ZNF585A: variants seen among roughly 807,000 people sequenced by gnomAD.
ZNF585A encodes the protein zinc finger protein 585A.
Under a neutral mutation model 14.9 loss-of-function variants are expected in ZNF585A, and 9 were observed. That is an observed-to-expected ratio of 0.60 (90% CI 0.36 to 1.05). The LOEUF (loss-of-function observed/expected upper bound fraction) is 1.05, where lower values mean the gene tolerates loss of function less well. Among genes scored for constraint, ZNF585A ranks in the 50% least tolerant of loss-of-function variants. The probability of loss-of-function intolerance (pLI) is 0.01; values close to 1 mark genes in which losing one functional copy is unlikely to be tolerated. For missense variants in ZNF585A, 726 were observed against 926.4 expected, an observed-to-expected ratio of 0.78 and a Z score of 2.81; for synonymous variants, 276 against 319.9, an observed-to-expected ratio of 0.86 and a Z score of 1.46.
intron 2 of ZNF585A, among the ~76,000 whole-genome samples, chr19:37,166,562 T>C (rs893120999): frequency 6.6e-6 from 1 of 152,100 alleles, no homozygotes; most frequent in African/African-American, 2.4e-5. Context: ...TCCACCCATC[T>C]TGGCCTCCCA....
At chr19:37,171,614 A>C (rs1025161893) in intron 1 of ZNF585A, among the ~76,000 whole-genome samples, 1 of 152,228 alleles carries the variant, frequency 6.6e-6, no homozygotes, top group Admixed American at 6.5e-5. Flanking sequence ...TTAAAAATGC[A>C]CATATGCCGG....
intron 2 of ZNF585A, among the ~76,000 whole-genome samples, chr19:37,156,797 G>T (rs1234252): frequency 0.97 from 148,220 of 152,214 alleles, 72,196 homozygotes; most frequent in East Asian, 1. Flanking sequence ...GTTCAAGAGA[G>T]TCTCCTACCT....
chr19:37,166,141 G>A (rs1972087350), intron 2 of ZNF585A, among the ~76,000 whole-genome samples: 1 of 151,806 alleles, frequency 6.6e-6, no homozygotes, highest in Non-Finnish European at 1.5e-5. Context: ...AGCCTCCCAA[G>A]TACCTGGGAT....
Position 37,169,997 on chromosome 19 carries a change from A to T in ZNF585A, c.-87T>A. 6.6e-7 allele frequency: 1 copy of T among 1,512,152 alleles called. No homozygotes were observed. Among genetic ancestry groups the T allele is most frequent in the Non-Finnish European group, 8.9e-7 (1 of 1,121,344 alleles). 93.7% of individuals were successfully genotyped at this position (1,512,152 alleles called of 1,614,324 possible). A position where few individuals can be genotyped will look rare whatever the true frequency, so the allele number is the denominator to read the frequency against. ...ACTCAAGCAGAGCTGCTCTGAAGAG[A>T]TGGGCTGGAGTCTAGAGGAAAATCT... On this transcript the variant is annotated 5_prime_UTR_variant, in exon 2 of 5. Transcript: ENST00000292841.
chr19:37,166,409 T>C (rs1972091584), intron 2 of ZNF585A, among the ~76,000 whole-genome samples: 2 of 150,650 alleles, frequency 1.3e-5, no homozygotes, highest in African/African-American at 4.9e-5. Context: ...AACCTCTGCC[T>C]CCTGGGTTCA....
intron 2 of ZNF585A, among the ~76,000 whole-genome samples, chr19:37,163,261 G>GA (rs908447474): frequency 1.1e-4 from 16 of 143,050 alleles, no homozygotes; most frequent in East Asian, 4.0e-4. Context: ...GTAAAAGGAT[G>GA]AAAAAAAAAA....
chr19:37,153,578 A>G lies in ZNF585A; in HGVS notation c.321T>C (p.Cys107=), dbSNP rs758516835. The G allele has an allele frequency of 6.2e-6, 10 of 1,613,276 alleles. No homozygotes were observed. Among genetic ancestry groups the G allele is most frequent in the South Asian group, 1.1e-5 (1 of 91,000 alleles). The change falls in exon 5 of 5, where the codon TGT becomes TGC. Residue 107 remains cysteine (C), a synonymous_variant. Coordinates refer to ENST00000292841, the MANE Select transcript of ZNF585A (RefSeq NM_001288800.2). ...PGEKLWDHNQ[C]RKILSYKQVS... Reference sequence around the variant, plus strand: ...CTTGTTTATAACTGAGGATTTTTCTACATTGATTATGGTCCCATAATTTCT... The same window carrying G: ...CTTGTTTATAACTGAGGATTTTTCTGCATTGATTATGGTCCCATAATTTCT...
chr19:37,170,381 T>A (rs917937290), intron 1 of ZNF585A, among the ~76,000 whole-genome samples: 1 of 152,208 alleles, frequency 6.6e-6, no homozygotes, highest in Non-Finnish European at 1.5e-5. Context: ...AAATCTGTGA[T>A]AGGTATTAGT....
In ZNF585A at chr19:37,153,085, A is replaced by C. The variant is rs1389599507; in HGVS notation, c.814T>G (p.Cys272Gly). The change falls in exon 5 of 5, where the codon TGT becomes GGT. Residue 272 changes from cysteine to glycine, a missense_variant. Transcript: ENST00000292841. ...KIHTGERSYI[C>G]IECGQAFIQK... Reference sequence around the variant, plus strand: ...ATGAAGGCCTGTCCGCATTCAATACAGATGTAGGATCTCTCGCCTGTATGG... The same window carrying C: ...ATGAAGGCCTGTCCGCATTCAATACCGATGTAGGATCTCTCGCCTGTATGG... 6.2e-7 allele frequency: 1 copy of C among 1,614,168 alleles called. No individual in the cohort carries two copies. Among genetic ancestry groups the C allele is most frequent in the Non-Finnish European group, 8.5e-7 (1 of 1,180,034 alleles).
At chr19:37,161,973 C>T (rs1799253593) in intron 2 of ZNF585A, among the ~76,000 whole-genome samples, 1 of 152,098 alleles carries the variant, frequency 6.6e-6, no homozygotes, top group African/African-American at 2.4e-5. Flanking sequence ...ACCCAGGCTG[C>T]AGTGCAGTGG....
intron 1 of ZNF585A, among the ~76,000 whole-genome samples, chr19:37,170,897 A>G (rs572058530): frequency 6.6e-6 from 1 of 152,366 alleles, no homozygotes; most frequent in South Asian, 2.1e-4. Context: ...CATACAATAC[A>G]TATCAGCGAT....
intron 2 of ZNF585A, among the ~76,000 whole-genome samples, chr19:37,160,185 T>G (rs1036176596): frequency 7.9e-5 from 12 of 151,446 alleles, no homozygotes; most frequent in Non-Finnish European, 1.6e-4. Flanking sequence ...ATACAAAAAT[T>G]AGCCAGGTGT....
At chr19:37,157,599 C>T (rs1250582778) in intron 2 of ZNF585A, among the ~76,000 whole-genome samples, 1 of 152,016 alleles carries the variant, frequency 6.6e-6, no homozygotes, top group African/African-American at 2.4e-5. Flanking sequence ...TTGGAAGATA[C>T]AAAGTGTAAC....
Position 37,169,853 on chromosome 19 carries a change from C to T in ZNF585A, c.58G>A (p.Gly20Ser). 1 of 1,612,974 alleles carries T rather than the reference C, an allele frequency of 6.2e-7. No individual in the cohort carries two copies. The change falls in exon 2 of 5, where the codon GGC becomes AGC. Residue 20 changes from glycine (G) to serine (S), a missense_variant. By Grantham distance (56) the Gly-to-Ser change is moderately conservative. Around this residue, in one of 2 missense-constraint regions of ZNF585A, gnomAD observed 483 missense variants for 542.8 expected, o/e 0.89. Transcript: ENST00000292841. ...CTCCTTCTCACCTCATAGGAGCTGC[C>T]ATGATCCTCTGGAGCCAGGGCTGAG... ...KSSALAPEDHGSSYEGSVSFR... is the reference protein window; with the variant it reads ...KSSALAPEDHSSSYEGSVSFR...
chr19:37,154,315 C>T (rs1256033504), intron 4 of ZNF585A, among the ~76,000 whole-genome samples: 3 of 152,176 alleles, frequency 2.0e-5, no homozygotes, highest in Non-Finnish European at 4.4e-5. Flanking sequence ...GATCCAAACT[C>T]TTAATTCACT....
chr19:37,162,191 T>C (rs1972023094), intron 2 of ZNF585A, among the ~76,000 whole-genome samples: 1 of 152,236 alleles, frequency 6.6e-6, no homozygotes, highest in Non-Finnish European at 1.5e-5. Context: ...CCCAAAGTGA[T>C]GGGATTACAG....
At position 37,150,351 on chromosome 19, in the gene ZNF585A, T is replaced by C. The variant is rs573398165; in HGVS notation, c.*1238A>G. 1.1e-4 allele frequency: 17 copies of C among 152,298 alleles called. No individual in the cohort carries two copies. Among genetic ancestry groups the C allele is most frequent in the African/African-American group, 3.4e-4 (14 of 41,568 alleles). 9.4% of individuals were successfully genotyped at this position (152,298 alleles called of 1,614,324 possible). A position where few individuals can be genotyped will look rare whatever the true frequency, so the allele number is the denominator to read the frequency against. The stretch of plus-strand genomic sequence containing the variant: ...TAAGGAGGATCACAAGACATCCTGC[T>C]AGAGGTGTAATAAAAGTATCAGGAG... On this transcript the variant is annotated 3_prime_UTR_variant, in exon 5 of 5. Transcript: ENST00000292841.
intron 2 of ZNF585A, chr19:37,165,509 A>G: frequency 3.6e-6 from 1 of 279,736 alleles, no homozygotes; most frequent in Non-Finnish European, 5.4e-6. Flanking sequence ...TTTTTGAGAT[A>G]TTTTACAATT....
chr19:37,153,595 A>C lies in ZNF585A; in HGVS notation c.304T>G (p.Trp102Gly), dbSNP rs1184901940. The change falls in exon 5 of 5, where the codon TGG (tryptophan) becomes GGG (glycine). Residue 102 changes from tryptophan (W) to glycine (G), a missense_variant. By Grantham distance (184) the Trp-to-Gly change is radical. Coordinates refer to ENST00000292841, the MANE Select transcript of ZNF585A (RefSeq NM_001288800.2). Reference protein sequence around the residue: ...PRQSCPGEKLWDHNQCRKILS... With the variant: ...PRQSCPGEKLGDHNQCRKILS... Reference sequence around the variant, plus strand: ...ATTTTTCTACATTGATTATGGTCCCATAATTTCTCTCCTGTTGGAATACAC... The same window carrying C: ...ATTTTTCTACATTGATTATGGTCCCCTAATTTCTCTCCTGTTGGAATACAC... 9.3e-6 allele frequency: 15 copies of C among 1,610,138 alleles called. No individual in the cohort carries two copies. The highest frequency in any genetic ancestry group is 1.3e-5 in the Non-Finnish European group (15 of 1,178,540).
Sources: allele counts gnomAD v4.1 joint callset (sites outside exome capture counted in the v4.1 genomes callset), GRCh38; gene constraint gnomAD v4.1.1; regional missense constraint gnomAD v4.1.1; transcripts MANE v1.5; gene names NCBI Gene and HGNC (gene_info 2026-07-23, HGNC 2026-07-21).